Variants in GALNT17 observed in about 807,000 individuals in gnomAD.
The protein encoded by GALNT17 is UDP-GalNAc:polypeptide N-acetylgalactosaminyltransferase-like 3.
GALNT17 carries 29 observed loss-of-function variants against 63.7 expected under a neutral mutation model. The observed-to-expected ratio is 0.46, with a 90% CI of 0.34 to 0.62. The LOEUF is 0.62. Among genes scored for constraint, GALNT17 ranks in the 20% least tolerant of loss-of-function variants. The probability of loss-of-function intolerance (pLI) is 0.01; values close to 1 mark genes in which losing one functional copy is unlikely to be tolerated. For synonymous variants in GALNT17, 305 were observed against 318.3 expected, an observed-to-expected ratio of 0.96 and a Z score of 0.45; for missense variants, 603 against 799.6, an observed-to-expected ratio of 0.75 and a Z score of 2.97.
chr7:71,329,370 TTGGACACATTATA>T (rs1459500021), intron 1 of GALNT17, among the ~76,000 whole-genome samples: 1 of 152,190 alleles, frequency 6.6e-6, no homozygotes, highest in Admixed American at 6.5e-5. Flanking sequence ...TCATGCAGTA[TTGGACACATTATA>T]TGTATGACCT....
intron 1 of GALNT17, among the ~76,000 whole-genome samples, chr7:71,137,209 G>T (rs1253110995): frequency 1.4e-5 from 2 of 145,176 alleles, no homozygotes; most frequent in Non-Finnish European, 1.5e-5. Flanking sequence ...GCGCGATCTC[G>T]GCTCACTGCA....
intron 6 of GALNT17, among the ~76,000 whole-genome samples, chr7:71,637,489 AT>A (rs78580954): frequency 0.012 from 1,717 of 143,634 alleles, 17 homozygotes; most frequent in African/African-American, 0.029. Flanking sequence ...GCACCTGGCC[AT>A]TTTTTTTTTT....
At chr7:71,257,176 C>A (rs928536100) in intron 1 of GALNT17, among the ~76,000 whole-genome samples, 1 of 152,072 alleles carries the variant, frequency 6.6e-6, no homozygotes, top group African/African-American at 2.4e-5. Flanking sequence ...TCAATCTGTT[C>A]TTTTTTTGTG....
chr7:71,550,427 C>G (rs1218439697), intron 5 of GALNT17, among the ~76,000 whole-genome samples: 3 of 152,120 alleles, frequency 2.0e-5, no homozygotes, highest in African/African-American at 7.2e-5. Flanking sequence ...GTCCCCCAGG[C>G]TGGAGTGCAG....
chr7:71,249,357 A>C (rs887232467), intron 1 of GALNT17, among the ~76,000 whole-genome samples: 1 of 152,162 alleles, frequency 6.6e-6, no homozygotes, highest in Non-Finnish European at 1.5e-5. Context: ...CCCATTTTAC[A>C]GATCTGTGAT....
chr7:71,704,243 G>A (rs12113685), intron 9 of GALNT17, among the ~76,000 whole-genome samples: 20,794 of 151,988 alleles, frequency 0.14, 1,633 homozygotes, highest in African/African-American at 0.2. Flanking sequence ...TTCTGAAAAG[G>A]GAATTAAGAG....
At chr7:71,596,057 G>A (rs1235586778) in intron 6 of GALNT17, among the ~76,000 whole-genome samples, 1 of 152,128 alleles carries the variant, frequency 6.6e-6, no homozygotes, top group African/African-American at 2.4e-5. Context: ...TTTCTTGTTT[G>A]AGATGGAGTC....
intron 6 of GALNT17, among the ~76,000 whole-genome samples, chr7:71,628,198 T>C: frequency 6.6e-6 from 1 of 152,124 alleles, no homozygotes; most frequent in East Asian, 1.9e-4. Context: ...TTATAAAATA[T>C]AGTAAAAGTG....
chr7:71,379,518 G>C (rs1792804775), intron 2 of GALNT17, among the ~76,000 whole-genome samples: 2 of 152,058 alleles, frequency 1.3e-5, no homozygotes, highest in Non-Finnish European at 2.9e-5. Flanking sequence ...CATTCAGGAG[G>C]TAACCAGTGA....
chr7:71,488,107 G>T (rs950283550), intron 5 of GALNT17, among the ~76,000 whole-genome samples: 6 of 150,866 alleles, frequency 4.0e-5, no homozygotes, highest in Non-Finnish European at 7.4e-5. Context: ...ATTCCAAGCT[G>T]CAGTGAGCTA....
chr7:71,588,018 T>C (rs1033195716), intron 6 of GALNT17, among the ~76,000 whole-genome samples: 7 of 152,202 alleles, frequency 4.6e-5, no homozygotes, highest in African/African-American at 1.7e-4. Context: ...CTCTAAGGAA[T>C]CCCAATCCCT....
intron 5 of GALNT17, among the ~76,000 whole-genome samples, chr7:71,531,694 A>G (rs889499042): frequency 6.6e-6 from 1 of 152,110 alleles, no homozygotes; most frequent in Admixed American, 6.6e-5. Context: ...GGCTCAAGCG[A>G]TCTTCCCACC....
rs113038928 is a variant in GALNT17, at chr7:71,217,050, A to G, written c.238+84010A>G. ...GTGATCTTGGCTCACTGCAGCCTCAACCTTCTCAGCTCCAGTGATCCTCCC... is the reference window on the plus strand; with the variant it reads ...GTGATCTTGGCTCACTGCAGCCTCAGCCTTCTCAGCTCCAGTGATCCTCCC... On this transcript the variant is annotated intron_variant, in intron 1 of 10. Transcript: ENST00000333538. Among the ~76,000 whole-genome samples the G allele has an allele frequency of 9.6e-3, 1,446 of 151,380 alleles. 24 individuals carry two copies. The highest frequency in any genetic ancestry group is 0.034 in the African/African-American group (1,383 of 41,228).
rs539106315 is a variant in GALNT17 at position 71,555,493 on chromosome 7, G to T, written c.963-15792G>T. Among the ~76,000 whole-genome samples the T allele has an allele frequency of 4.8e-5, 7 of 146,894 alleles. No homozygotes were observed. In the South Asian group the frequency reaches 1.3e-3, roughly 27 times the overall value. ...GGGAGAACGCCAAACCATTCATGAG[G>T]GGTCTGCCCTCATGACCCAAACAGG... On this transcript the variant is annotated intron_variant, in intron 5 of 10. Transcript: ENST00000333538.
intron 1 of GALNT17, among the ~76,000 whole-genome samples, chr7:71,199,612 C>A (rs1789125930): frequency 6.7e-6 from 1 of 148,292 alleles, no homozygotes; most frequent in African/African-American, 2.5e-5. Flanking sequence ...CTCACCTGAT[C>A]CACCCGCCCA....
At chr7:71,158,346 G>A (rs564229928) in intron 1 of GALNT17, among the ~76,000 whole-genome samples, 6 of 151,442 alleles carry the variant, frequency 4.0e-5, no homozygotes, top group East Asian at 1.9e-4. Flanking sequence ...TGGCTGTGCC[G>A]CCTGCCCCAA....
At chr7:71,613,752 G>T (rs11973528) in intron 6 of GALNT17, among the ~76,000 whole-genome samples, 1 of 151,004 alleles carries the variant, frequency 6.6e-6, no homozygotes, top group Non-Finnish European at 1.5e-5. Flanking sequence ...CCAGGAGTTC[G>T]AGACCAGCTT....
At chr7:71,577,467 A>G (rs1469006883) in intron 6 of GALNT17, among the ~76,000 whole-genome samples, 1 of 152,182 alleles carries the variant, frequency 6.6e-6, no homozygotes, top group Non-Finnish European at 1.5e-5. Flanking sequence ...CCAGTAAGCC[A>G]TCATGGAGGA....
At chr7:71,238,215 C>A (rs1288145393) in intron 1 of GALNT17, among the ~76,000 whole-genome samples, 1 of 152,198 alleles carries the variant, frequency 6.6e-6, no homozygotes, top group Non-Finnish European at 1.5e-5. Context: ...CCCAGAGGAA[C>A]TGAGCCAAGA....
Sources: allele counts gnomAD v4.1 joint callset (sites outside exome capture counted in the v4.1 genomes callset), GRCh38; gene constraint gnomAD v4.1.1; transcripts MANE v1.5; gene names NCBI Gene and HGNC (gene_info 2026-07-23, HGNC 2026-07-21).